Variants in EPM2A observed in about 807,000 individuals in gnomAD.
EPM2A encodes laforin.
A neutral mutation model predicts 26.5 loss-of-function variants in EPM2A; 21 were observed. The observed-to-expected ratio is 0.79, with a 90% confidence interval of 0.56 to 1.14. The LOEUF (loss-of-function observed/expected upper bound fraction) is 1.14, where lower values mean the gene tolerates loss of function less well. Ranked by LOEUF, EPM2A falls within the 50% of genes most tolerant of loss-of-function variation. EPM2A has a pLI of 0.00. For missense variants in EPM2A, 458 were observed against 440.8 expected, an observed-to-expected ratio of 1.04 and a Z score of -0.35; for synonymous variants, 217 against 177.6, an observed-to-expected ratio of 1.22 and a Z score of -1.76.
At chr6:145,633,217 C>A (rs1776398628) in intron 3 of EPM2A, among the ~76,000 whole-genome samples, 1 of 152,160 alleles carries the variant, frequency 6.6e-6, no homozygotes, top group Admixed American at 6.5e-5. Flanking sequence ...CTTCTCCCAG[C>A]CTCGTCTCAC....
chr6:145,509,231 T>A (rs2114760679), intron 2 of EPM2A, among the ~76,000 whole-genome samples: 1 of 152,094 alleles, frequency 6.6e-6, no homozygotes, highest in African/African-American at 2.4e-5. Context: ...ATACAAGAAA[T>A]CCAGAGAAGT....
chr6:145,596,745 T>C (rs570403725), intron 2 of EPM2A, among the ~76,000 whole-genome samples: 1 of 152,264 alleles, frequency 6.6e-6, no homozygotes, highest in East Asian at 1.9e-4. Context: ...TCTTGATATA[T>C]CCACACCCTT....
At chr6:145,734,905 G>C (rs929671238) in intron 1 of EPM2A, 2 of 206,082 alleles carry the variant, frequency 9.7e-6, no homozygotes, top group Non-Finnish European at 1.9e-5. Flanking sequence ...CTGAGGACTG[G>C]ATGTGCGGAA....
chr6:145,496,899 G>A (rs1410998863), downstream of EPM2A, among the ~76,000 whole-genome samples: 11 of 151,938 alleles, frequency 7.2e-5, 1 homozygote, highest in Admixed American at 3.3e-4. Context: ...CACCGCGCCC[G>A]GCTAATTTTT....
At chr6:145,480,054 T>G (rs747742488) in intron 4 of EPM2A, among the ~76,000 whole-genome samples, 30 of 152,078 alleles carry the variant, frequency 2.0e-4, no homozygotes, top group Non-Finnish European at 4.1e-4. Flanking sequence ...CATTCATATA[T>G]CTTCTTTCAA....
intron 2 of EPM2A, among the ~76,000 whole-genome samples, chr6:145,610,506 T>C (rs1775370766): frequency 6.6e-6 from 1 of 152,246 alleles, no homozygotes; most frequent in African/African-American, 2.4e-5. Flanking sequence ...ATGCTAGTCA[T>C]CCTAAGCTAC....
chr6:145,726,715 T>C lies in EPM2A; in HGVS notation c.301+8483A>G, dbSNP rs1006188577. 8.5e-5 allele frequency among the ~76,000 whole-genome samples: 13 copies of C among 152,066 alleles called. 1 individual carries two copies. Among genetic ancestry groups the C allele is most frequent in the Non-Finnish European group, 1.5e-4 (10 of 67,970 alleles). ...CCCAATTGAGCAACTTTCTGCAAAA[T>C]ACCTGATGAATACTATTCAAAACTT... On this transcript the variant is annotated intron_variant, in intron 1 of 3. Coordinates refer to ENST00000367519, the MANE Select transcript of EPM2A (RefSeq NM_005670.4).
At chr6:145,714,741 C>T (rs938235227) in intron 1 of EPM2A, among the ~76,000 whole-genome samples, 1 of 152,172 alleles carries the variant, frequency 6.6e-6, no homozygotes, top group East Asian at 1.9e-4. Flanking sequence ...AGATCTTGTG[C>T]AGGGAAACTC....
rs755642217 is a variant in EPM2A at position 145,627,432 on chromosome 6, G to A, written c.980C>T (p.Ser327Phe). Residue 327 changes from serine to phenylalanine, a missense_variant, in exon 4 of 4, where the codon TCT (serine) becomes TTT (phenylalanine). Physicochemically the swap from Ser to Phe is radical, Grantham distance 155. Transcript: ENST00000367519. ...FFQKFGKVRSSVCSL is the reference protein window; with the variant it reads ...FFQKFGKVRSFVCSL ...GCTGACCAGCTACAGGCTACACACA[G>A]AAGAACGAACCTTCCCAAATTTCTG... is the stretch of plus-strand genomic sequence containing the variant. The A allele has an allele frequency of 6.2e-7, 1 of 1,614,214 alleles. No homozygotes were observed. The highest frequency in any genetic ancestry group is 1.7e-5 in the Admixed American group (1 of 60,032).
At chr6:145,469,074 GAC>G (rs1405042577) in intron 4 of EPM2A, among the ~76,000 whole-genome samples, 4 of 152,092 alleles carry the variant, frequency 2.6e-5, no homozygotes, top group East Asian at 1.9e-4. Flanking sequence ...TTAATTGACT[GAC>G]AGTTTCACAT....
chr6:145,424,324 T>G (rs1340393562), intron 4 of EPM2A, among the ~76,000 whole-genome samples: 7 of 152,240 alleles, frequency 4.6e-5, no homozygotes, highest in Admixed American at 2.0e-4. Context: ...AAGCTTGTTT[T>G]AAACTGAAGG....
chr6:145,425,631 CAAAA>C (rs35954002), intron 4 of EPM2A, among the ~76,000 whole-genome samples: 72 of 137,050 alleles, frequency 5.3e-4, no homozygotes, highest in Admixed American at 5.8e-4. Flanking sequence ...TTGAGAATGG[CAAAA>C]AAAAAAAAAA....
intron 2 of EPM2A, among the ~76,000 whole-genome samples, chr6:145,614,121 T>G (rs144771529): frequency 6.6e-6 from 1 of 152,384 alleles, no homozygotes; most frequent in East Asian, 1.9e-4. Context: ...CCGCAGCTGC[T>G]ATATCAGCAC....
intron 2 of EPM2A, among the ~76,000 whole-genome samples, chr6:145,652,805 G>A (rs2128579696): frequency 6.6e-6 from 1 of 152,016 alleles, no homozygotes; most frequent in Middle Eastern, 3.4e-3. Flanking sequence ...GTGAAATCTA[G>A]GCTTTTCATG....
In EPM2A at chr6:145,701,168, T is replaced by TAC. The variant is rs530467593; in HGVS notation, c.302-14874_302-14873dup. 2.6e-3 allele frequency among the ~76,000 whole-genome samples: 402 copies of TAC among 152,368 alleles called. 1 individual carries two copies. The highest frequency in any genetic ancestry group is 4.4e-3 in the Admixed American group (67 of 15,302). Reference sequence around the variant, plus strand: ...CCTAAAATTTGCCGTAATCATAAACTACACATGTATAAGAAACAACTGAAG... The same window carrying TAC: ...CCTAAAATTTGCCGTAATCATAAACTACACACATGTATAAGAAACAACTGAAG... On this transcript the variant is annotated intron_variant, in intron 1 of 3. Coordinates refer to ENST00000367519, the MANE Select transcript of EPM2A (RefSeq NM_005670.4).
intron 4 of EPM2A, among the ~76,000 whole-genome samples, chr6:145,472,199 T>A (rs1325924715): frequency 6.6e-6 from 1 of 151,630 alleles, no homozygotes; most frequent in Non-Finnish European, 1.5e-5. Context: ...AAAGACCCAG[T>A]CCTGCCAGCA....
rs919036847 is a variant in EPM2A at position 145,591,472 on chromosome 6, T to C, written c.340+43773A>G. On this transcript the variant is annotated intron_variant, in intron 2 of 3. Transcript: ENST00000450221. ...AAATAAGCCAAGGGGAGGAAATAAC[T>C]TTACCTATAGAAAAACAAAAACAAG... 1.8e-4 allele frequency among the ~76,000 whole-genome samples: 27 copies of C among 152,134 alleles called. 1 individual carries two copies. Among genetic ancestry groups the C allele is most frequent in the Non-Finnish European group, 2.6e-4 (18 of 67,970 alleles).
chr6:145,620,090 T>TA (rs1775599890), intron 2 of EPM2A, among the ~76,000 whole-genome samples: 1 of 152,204 alleles, frequency 6.6e-6, no homozygotes, highest in South Asian at 2.1e-4. Context: ...ACTATGGGTG[T>TA]AAAATCTCTG....
intron 4 of EPM2A, among the ~76,000 whole-genome samples, chr6:145,442,587 T>C (rs781655806): frequency 1.8e-4 from 27 of 152,138 alleles, no homozygotes; most frequent in Admixed American, 5.9e-4. Flanking sequence ...TTATCTCCCA[T>C]TGGGTCCTTC....
Sources: gnomAD v4.1 joint callset for allele counts (sites outside exome capture counted in the v4.1 genomes callset) on GRCh38, gnomAD v4.1.1 for gene constraint, MANE v1.5 for transcripts, NCBI Gene and HGNC (gene_info 2026-07-23, HGNC 2026-07-21) for gene names.